FGF12: variants seen among roughly 807,000 people sequenced by gnomAD.
The protein encoded by FGF12 is fibroblast growth factor 12B.
Under a neutral mutation model 23.6 loss-of-function variants are expected in FGF12, and 14 were observed. The ratio of observed to expected loss-of-function variants is 0.59; its 90% CI spans 0.39 to 0.93. The LOEUF (loss-of-function observed/expected upper bound fraction) is 0.93. Ranked by LOEUF, FGF12 falls within the 40% of genes least tolerant of loss-of-function variation. The probability of loss-of-function intolerance (pLI) is 0.00; values close to 1 mark genes in which losing one functional copy is unlikely to be tolerated. For synonymous variants in FGF12, 62 were observed against 77.3 expected, an observed-to-expected ratio of 0.80 and a Z score of 1.04; for missense variants, 175 against 217.8, an observed-to-expected ratio of 0.80 and a Z score of 1.24.
intron 2 of FGF12, among the ~76,000 whole-genome samples, chr3:192,386,907 C>T (rs1264375609): frequency 2.0e-5 from 3 of 152,158 alleles, no homozygotes; most frequent in African/African-American, 7.2e-5. Context: ...GGGCTAGTGC[C>T]TTTATATACT....
intron 2 of FGF12, among the ~76,000 whole-genome samples, chr3:192,495,021 C>T (rs569495018): frequency 7.2e-5 from 11 of 152,138 alleles, no homozygotes; most frequent in Non-Finnish European, 1.3e-4. Context: ...CCACCTCGCC[C>T]GGCCAATTTT....
chr3:192,344,259 GT>G (rs1717842954), intron 3 of FGF12, among the ~76,000 whole-genome samples: 1 of 151,892 alleles, frequency 6.6e-6, no homozygotes, highest in Non-Finnish European at 1.5e-5. Flanking sequence ...TGTTCTCATT[GT>G]TGTTTTCATA....
In FGF12 at chr3:192,382,194, C is replaced by T. The variant is rs530156362; in HGVS notation, c.14-21656G>A. Among the ~76,000 whole-genome samples, 8 of 152,188 alleles carry T rather than the reference C, an allele frequency of 5.3e-5. No individual in the cohort carries two copies. The South Asian group carries it at 1.2e-3, about 24-fold the overall frequency. On this transcript the variant is annotated intron_variant, in intron 2 of 5. Coordinates refer to ENST00000445105, the MANE Select transcript of FGF12 (RefSeq NM_004113.6). ...TGTATTTTTCGTAGAGAAGTGGTTT[C>T]CCCGTGTTAGCCAGGATGGTCTCGA...
chr3:192,377,549 T>C (rs1719577467), intron 2 of FGF12, among the ~76,000 whole-genome samples: 1 of 152,224 alleles, frequency 6.6e-6, no homozygotes, highest in Non-Finnish European at 1.5e-5. Context: ...AGCGTCAATG[T>C]TTATTATGCC....
At chr3:192,450,053 C>A (rs1722473751) in intron 2 of FGF12, among the ~76,000 whole-genome samples, 1 of 152,154 alleles carries the variant, frequency 6.6e-6, no homozygotes. Context: ...CCTGAGTTGA[C>A]CACAATTGAT....
At chr3:192,726,775 C>T (rs1719229655) in intron 2 of FGF12, 1 of 200,062 alleles carries the variant, frequency 5.0e-6, no homozygotes, top group Non-Finnish European at 1.0e-5. Flanking sequence ...TTTTTTTTAG[C>T]AATGCATTAT....
chr3:192,457,804 T>C (rs1048173297), intron 2 of FGF12, among the ~76,000 whole-genome samples: 3 of 152,072 alleles, frequency 2.0e-5, no homozygotes, highest in Admixed American at 6.5e-5. Context: ...CCCAAGACCA[T>C]GGGGAAAATG....
chr3:192,651,689 C>T lies in FGF12; in HGVS notation c.13+75492G>A, dbSNP rs115033675. ...AGAAGATGTACATACTTTTGTTATA[C>T]ATGGAAATATTAAGCAACTAACATA... On this transcript the variant is annotated intron_variant, in intron 2 of 5. Coordinates refer to ENST00000445105, the MANE Select transcript of FGF12 (RefSeq NM_004113.6). Among the ~76,000 whole-genome samples the T allele has an allele frequency of 8.5e-3, 1,298 of 152,254 alleles. 16 individuals carry two copies. Among genetic ancestry groups the T allele is most frequent in the African/African-American group, 0.029 (1,225 of 41,536 alleles).
intron 4 of FGF12, among the ~76,000 whole-genome samples, chr3:192,274,608 A>G (rs1713663641): frequency 6.6e-6 from 1 of 152,096 alleles, no homozygotes; most frequent in Non-Finnish European, 1.5e-5. Context: ...AGAGAGATAG[A>G]ATATAGAAGA....
At chr3:192,536,417 A>G (rs1483734939) in intron 2 of FGF12, among the ~76,000 whole-genome samples, 2 of 152,190 alleles carry the variant, frequency 1.3e-5, no homozygotes, top group Non-Finnish European at 2.9e-5. Flanking sequence ...AAACCAACAA[A>G]TATCATGCCC....
rs976992287 is a variant in FGF12, at chr3:192,666,180, C to A, written c.13+61001G>T. Among the ~76,000 whole-genome samples, 4 of 152,116 alleles carry A rather than the reference C, an allele frequency of 2.6e-5. No individual in the cohort carries two copies. In the South Asian group the frequency reaches 6.2e-4, roughly 24 times the overall value. ...TAAAAAGTCATTTAATTTTAAATAC[C>A]TTTCTTTTTCATAATCAATTAAGGA... On this transcript the variant is annotated intron_variant, in intron 2 of 5. Coordinates refer to ENST00000445105, the MANE Select transcript of FGF12 (RefSeq NM_004113.6).
intron 4 of FGF12, among the ~76,000 whole-genome samples, chr3:192,330,740 A>C (rs1489191599): frequency 6.6e-6 from 1 of 151,984 alleles, no homozygotes; most frequent in Non-Finnish European, 1.5e-5. Flanking sequence ...CAAACAAACA[A>C]ACAAAAAACC....
chr3:192,452,460 C>T (rs1178194113), intron 2 of FGF12, among the ~76,000 whole-genome samples: 2 of 152,128 alleles, frequency 1.3e-5, no homozygotes, highest in South Asian at 2.1e-4. Context: ...ATAGTCTCTA[C>T]TAATTTTCTT....
At chr3:192,573,661 T>A (rs1307996169) in intron 2 of FGF12, among the ~76,000 whole-genome samples, 2 of 151,996 alleles carry the variant, frequency 1.3e-5, no homozygotes, top group Admixed American at 6.5e-5. Flanking sequence ...TAAATAAAAA[T>A]CTCCTATTGG....
intron 2 of FGF12, among the ~76,000 whole-genome samples, chr3:192,401,413 G>A (rs1023869109): frequency 7.9e-5 from 12 of 152,196 alleles, no homozygotes; most frequent in African/African-American, 2.9e-4. Flanking sequence ...CAGAATGAGT[G>A]AAAATGGCAA....
chr3:192,634,621 C>T (rs922038954), intron 2 of FGF12, among the ~76,000 whole-genome samples: 7 of 152,126 alleles, frequency 4.6e-5, no homozygotes, highest in Admixed American at 3.3e-4. Flanking sequence ...GAGAGGAAGC[C>T]CCATACCTTA....
chr3:192,653,957 C>T (rs1036777119), intron 2 of FGF12, among the ~76,000 whole-genome samples: 1 of 152,102 alleles, frequency 6.6e-6, no homozygotes, highest in African/African-American at 2.4e-5. Context: ...AACTCCTGAC[C>T]TCAGTTGATC....
chr3:192,202,870 G>GA (rs1376131616), intron 4 of FGF12, among the ~76,000 whole-genome samples: 1 of 151,986 alleles, frequency 6.6e-6, no homozygotes. Context: ...GATAAAGACT[G>GA]AAAAAAATAA....
intron 4 of FGF12, among the ~76,000 whole-genome samples, chr3:192,172,833 T>C (rs550939281): frequency 2.6e-5 from 4 of 151,094 alleles, no homozygotes; most frequent in Admixed American, 6.6e-5. Context: ...ACACAAAAAC[T>C]TGTGCACAAA....
Sources: gnomAD v4.1 joint callset for allele counts (sites outside exome capture counted in the v4.1 genomes callset) on GRCh38, gnomAD v4.1.1 for gene constraint, MANE v1.5 for transcripts, NCBI Gene and HGNC (gene_info 2026-07-23, HGNC 2026-07-21) for gene names.